The following P2RX7 variants were observed in gnomAD, a reference collection of about 807,000 sequenced individuals.
P2RX7 encodes P2X purinoceptor 7.
P2RX7 carries 62 observed loss-of-function variants against 71.6 expected under a neutral mutation model. The observed-to-expected ratio is 0.87, with a 90% CI of 0.71 to 1.07. The LOEUF (loss-of-function observed/expected upper bound fraction) is 1.07, where lower values mean the gene tolerates loss of function less well. Ranked by LOEUF, P2RX7 falls within the 50% of genes least tolerant of loss-of-function variation. P2RX7 has a pLI of 0.00. For synonymous variants in P2RX7, 299 were observed against 283.3 expected, an observed-to-expected ratio of 1.06 and a Z score of -0.56; for missense variants, 686 against 748.5, an observed-to-expected ratio of 0.92 and a Z score of 0.97.
chr12:121,177,100 C>A, intron 9 of P2RX7, 47 bp from the exon 10 acceptor site: 1 of 1,532,670 alleles, frequency 6.5e-7, no homozygotes, highest in Non-Finnish European at 9.0e-7. Flanking sequence ...AGCAAAAGAG[C>A]GTTGCTCTGA....
chr12:121,160,772 C>T, intron 3 of P2RX7, 130 bp from the exon 4 acceptor site: 3 of 805,032 alleles, frequency 3.7e-6, no homozygotes, highest in East Asian at 4.9e-5. Context: ...GTGGTTTCCA[C>T]TTTTTTGGCG....
chr12:121,162,561 C>T (rs1025800170), intron 5 of P2RX7, 41 bp downstream of exon 5: 3 of 1,603,414 alleles, frequency 1.9e-6, no homozygotes, highest in Non-Finnish European at 2.5e-6. Flanking sequence ...CCCTCAGCGG[C>T]GACCAGATGA....
chr12:121,167,294 A>T (rs1881276644), intron 7 of P2RX7, among the ~76,000 whole-genome samples, 194 bp from the exon 8 acceptor site: 1 of 152,110 alleles, frequency 6.6e-6, no homozygotes, highest in South Asian at 2.1e-4. Flanking sequence ...AGACGGGGGT[A>T]GGGAGAGTGA....
intron 5 of P2RX7, 56 bp from the exon 6 acceptor site, chr12:121,165,301 T>G: frequency 7.1e-7 from 1 of 1,403,566 alleles, no homozygotes; most frequent in Non-Finnish European, 1.0e-6. Flanking sequence ...CACTGGCCCA[T>G]GGGCTCCCTC....
chr12:121,161,040 A>G, intron 4 of P2RX7, 66 bp downstream of exon 4: 1 of 1,218,354 alleles, frequency 8.2e-7, no homozygotes, highest in Non-Finnish European at 1.2e-6. Context: ...GACATTTGTG[A>G]TGCCCAGGTC....
At chr12:121,180,848 C>T (rs1460892899) in intron 12 of P2RX7, among the ~76,000 whole-genome samples, 3 of 151,816 alleles carry the variant, frequency 2.0e-5, no homozygotes, top group South Asian at 2.1e-4. Flanking sequence ...CATGTAATCC[C>T]AGCTACTCAG....
At chr12:121,155,467 A>C in intron 2 of P2RX7, 1 of 1,131,092 alleles carries the variant, frequency 8.8e-7, no homozygotes, top group East Asian at 5.8e-5. Flanking sequence ...ATTTGCAAGC[A>C]GGGAAAATGA....
At chr12:121,136,653 T>C (rs1873764613) in intron 1 of P2RX7, among the ~76,000 whole-genome samples, 1 of 147,536 alleles carries the variant, frequency 6.8e-6, no homozygotes, top group African/African-American at 2.5e-5. Context: ...CTTTCTTTTT[T>C]TTTTTTTTTT....
In P2RX7 at chr12:121,150,679, C is replaced by T. The variant is rs935593052; in HGVS notation, c.126-4106C>T. Among the ~76,000 whole-genome samples the T allele has an allele frequency of 2.5e-4, 38 of 152,164 alleles. 1 individual carries two copies. Among genetic ancestry groups the T allele is most frequent in the Admixed American group, 1.3e-4 (2 of 15,276 alleles). On this transcript the variant is annotated intron_variant, in intron 1 of 12. Transcript: ENST00000328963. ...ATCCCAACACTTTGGGAGGCCAAGG[C>T]GGGTGGATCACCTGAGGTCAGGAGT... is the stretch of plus-strand genomic sequence containing the variant.
At position 121,163,053 on chromosome 12, in the gene P2RX7, G is replaced by A. The variant is rs545345241; in HGVS notation, c.533+533G>A. On this transcript the variant is annotated intron_variant, in intron 5 of 12. Transcript: ENST00000328963. Reference sequence around the variant, plus strand: ...TGGTGGTCCCTTGTATTGATGCTTCGCTTCAATACACAAAGTCACAATGTT... The same window carrying A: ...TGGTGGTCCCTTGTATTGATGCTTCACTTCAATACACAAAGTCACAATGTT... Among the ~76,000 whole-genome samples the A allele has an allele frequency of 7.9e-5, 12 of 152,118 alleles. 1 individual carries two copies. In the East Asian group the frequency reaches 1.5e-3, roughly 20 times the overall value.
intron 9 of P2RX7, among the ~76,000 whole-genome samples, chr12:121,175,711 T>C (rs1186964753): frequency 6.6e-6 from 1 of 152,082 alleles, no homozygotes; most frequent in East Asian, 1.9e-4. Context: ...GCTTTAAAAA[T>C]ACTCTGATAC....
At chr12:121,148,407 G>T (rs887085415) in intron 1 of P2RX7, among the ~76,000 whole-genome samples, 7 of 151,530 alleles carry the variant, frequency 4.6e-5, no homozygotes, top group African/African-American at 1.5e-4. Flanking sequence ...TAGAAATGGG[G>T]TTTCGCCATG....
chr12:121,167,737 T>A, intron 8 of P2RX7, 113 bp downstream of exon 8: 1 of 887,270 alleles, frequency 1.1e-6, no homozygotes, highest in Non-Finnish European at 1.6e-6. Context: ...AGACTTTCTC[T>A]AAGAACTAGG....
chr12:121,147,297 A>T (rs1043440144), intron 1 of P2RX7, among the ~76,000 whole-genome samples: 3 of 152,208 alleles, frequency 2.0e-5, no homozygotes, highest in African/African-American at 7.2e-5. Flanking sequence ...GGGTAATAAT[A>T]GTACCTTCCT....
chr12:121,153,715 C>T (rs189486331), intron 1 of P2RX7, among the ~76,000 whole-genome samples: 20 of 151,786 alleles, frequency 1.3e-4, no homozygotes, highest in Middle Eastern at 3.4e-3. Flanking sequence ...AGGCTGGGTG[C>T]GGTGGCGCAT....
rs920474004 is a variant in P2RX7 at position 121,160,834 on chromosome 12, G to A, written c.364-68G>A. The stretch of plus-strand genomic sequence containing the variant: ...TCGTGTGCACATTCTGGTGGATATC[G>A]AATCACTTCTCCACGTCTTAGTAAC... On this transcript the variant is annotated intron_variant, in intron 3 of 12. Transcript: ENST00000328963. 1.2e-5 allele frequency: 15 copies of A among 1,247,188 alleles called. No individual in the cohort carries two copies. The African/African-American group carries it at 1.6e-4, about 14-fold the overall frequency. 77.3% of individuals were successfully genotyped at this position (1,247,188 alleles called of 1,614,324 possible).
chr12:121,167,415 T>C, intron 7 of P2RX7, 73 bp from the exon 8 acceptor site: 4 of 1,566,790 alleles, frequency 2.6e-6, no homozygotes, highest in Non-Finnish European at 3.5e-6. Context: ...ATCCTGGCTA[T>C]GCAGGGAGAT....
intron 8 of P2RX7, among the ~76,000 whole-genome samples, chr12:121,171,425 C>T (rs1198172923): frequency 1.4e-5 from 2 of 138,922 alleles, no homozygotes; most frequent in African/African-American, 5.5e-5. Flanking sequence ...AGTGCAATGG[C>T]GTAATTTCGG....
intron 1 of P2RX7, among the ~76,000 whole-genome samples, chr12:121,147,266 G>A (rs577871835): frequency 2.6e-4 from 39 of 152,310 alleles, no homozygotes; most frequent in African/African-American, 6.7e-4. Flanking sequence ...TCATGACACC[G>A]TTTATTCAGC....
Sources: allele counts gnomAD v4.1 joint callset (sites outside exome capture counted in the v4.1 genomes callset), GRCh38; gene constraint gnomAD v4.1.1; transcripts MANE v1.5; gene names NCBI Gene and HGNC (gene_info 2026-07-23, HGNC 2026-07-21).